RBFOX1: variants seen among roughly 807,000 people sequenced by gnomAD.
RBFOX1 encodes RNA binding fox-1 homolog 1, also known as RNA binding protein fox-1 homolog 1.
RBFOX1 carries 8 observed loss-of-function variants against 57.7 expected under a neutral mutation model. The ratio of observed to expected loss-of-function variants is 0.14; its 90% CI spans 0.08 to 0.25. RBFOX1 has a LOEUF of 0.25. RBFOX1 is among the 10% of genes least tolerant of loss of function. The pLI is 1.00. For synonymous variants in RBFOX1, 326 were observed against 222.4 expected, an observed-to-expected ratio of 1.47 and a Z score of -4.15; for missense variants, 611 against 548.5, an observed-to-expected ratio of 1.11 and a Z score of -1.14.
intron 2 of RBFOX1, among the ~76,000 whole-genome samples, chr16:6,487,684 AAAAAAAAAAAAAAAAAATAT>A (rs1567404177): frequency 1.6e-4 from 3 of 19,330 alleles, no homozygotes; most frequent in Non-Finnish European, 2.8e-4. Context: ...AAAAAAAAAA[AAAAAAAAAAAAAAAAAATAT>A]ATATATATAT....
At chr16:5,925,940 C>G (rs142759890) in intron 4 of RBFOX1, among the ~76,000 whole-genome samples, 243 of 152,282 alleles carry the variant, frequency 1.6e-3, no homozygotes, top group African/African-American at 5.5e-3. Context: ...GTAGACTAAA[C>G]ATGCAGTGGC....
intron 4 of RBFOX1, among the ~76,000 whole-genome samples, chr16:7,056,934 C>T (rs560886255): frequency 6.6e-6 from 1 of 151,792 alleles, no homozygotes; most frequent in African/African-American, 2.4e-5. Context: ...CTAAATGCTC[C>T]TTAGTGTCTC....
At chr16:6,868,288 C>T (rs562812326) in intron 3 of RBFOX1, among the ~76,000 whole-genome samples, 3 of 152,188 alleles carry the variant, frequency 2.0e-5, no homozygotes, top group African/African-American at 7.2e-5. Context: ...AAGATGGACA[C>T]AGAAAGTGGT....
intron 4 of RBFOX1, among the ~76,000 whole-genome samples, chr16:7,185,020 A>G (rs1460846999): frequency 1.3e-5 from 2 of 152,172 alleles, no homozygotes; most frequent in Non-Finnish European, 2.9e-5. Flanking sequence ...CCAATAAGGA[A>G]ATTGATCCTT....
chr16:7,003,446 G>A lies in RBFOX1; in HGVS notation c.-15-48611G>A, dbSNP rs541091639. On this transcript the variant is annotated intron_variant, in intron 3 of 15. Coordinates refer to ENST00000550418, the MANE Select transcript of RBFOX1 (RefSeq NM_018723.4). ...CTGTACTGCAGCCTGGTGACAGAGCGAGACTCCATCTTAAAAAAAAAAAAA... is the reference window on the plus strand; with the variant it reads ...CTGTACTGCAGCCTGGTGACAGAGCAAGACTCCATCTTAAAAAAAAAAAAA... Among the ~76,000 whole-genome samples the A allele has an allele frequency of 1.2e-4, 17 of 145,842 alleles. No individual in the cohort carries two copies. In the South Asian group the frequency reaches 3.5e-3, roughly 30 times the overall value.
chr16:5,845,528 C>T (rs1004980474), intron 3 of RBFOX1, among the ~76,000 whole-genome samples: 1 of 152,198 alleles, frequency 6.6e-6, no homozygotes, highest in Non-Finnish European at 1.5e-5. Flanking sequence ...TGTGAATCCC[C>T]ACTCTTACCT....
intron 4 of RBFOX1, among the ~76,000 whole-genome samples, chr16:5,894,581 A>T (rs966660609): frequency 3.3e-5 from 5 of 152,156 alleles, no homozygotes; most frequent in Non-Finnish European, 7.4e-5. Context: ...TGTTACTAAA[A>T]ACATTTTAAA....
At chr16:5,553,593 G>A (rs1443519451) in intron 2 of RBFOX1, among the ~76,000 whole-genome samples, 2 of 151,282 alleles carry the variant, frequency 1.3e-5, no homozygotes, top group Non-Finnish European at 2.9e-5. Context: ...GGGATTATGG[G>A]CGTGAGCCAC....
intron 2 of RBFOX1, among the ~76,000 whole-genome samples, chr16:6,464,217 CA>C (rs2153069141): frequency 6.6e-6 from 1 of 152,172 alleles, no homozygotes; most frequent in South Asian, 2.1e-4. Context: ...CAAAGATTAA[CA>C]AGTTGCTAAT....
intron 3 of RBFOX1, among the ~76,000 whole-genome samples, chr16:6,773,270 TGTGTGTAA>T (rs1465489174): frequency 3.4e-5 from 5 of 146,446 alleles, no homozygotes; most frequent in Admixed American, 6.8e-5. Context: ...TGCATTTGTG[TGTGTGTAA>T]GTGTATGTGT....
At chr16:7,525,595 C>T (rs1600870855) in intron 5 of RBFOX1, among the ~76,000 whole-genome samples, 1 of 152,164 alleles carries the variant, frequency 6.6e-6, no homozygotes, top group African/African-American at 2.4e-5. Context: ...CTAGCCAACT[C>T]TTGGCTCATG....
chr16:5,718,661 C>A (rs879705413), intron 3 of RBFOX1, among the ~76,000 whole-genome samples: 2 of 152,160 alleles, frequency 1.3e-5, no homozygotes, highest in Non-Finnish European at 2.9e-5. Context: ...AAGCCCAGAA[C>A]TTTGGGAGGC....
chr16:6,023,971 C>A (rs1297172908), intron 1 of RBFOX1, among the ~76,000 whole-genome samples: 7 of 152,176 alleles, frequency 4.6e-5, no homozygotes, highest in African/African-American at 1.7e-4. Flanking sequence ...CAGATGATGT[C>A]AACTGTGAAC....
chr16:7,537,882 G>A (rs942911411), intron 5 of RBFOX1, among the ~76,000 whole-genome samples: 2 of 152,190 alleles, frequency 1.3e-5, no homozygotes, highest in Non-Finnish European at 2.9e-5. Flanking sequence ...ATGCATGAGG[G>A]GAAATCCGTG....
chr16:6,673,520 G>A (rs1242008786), intron 3 of RBFOX1, among the ~76,000 whole-genome samples: 1 of 152,162 alleles, frequency 6.6e-6, no homozygotes, highest in Non-Finnish European at 1.5e-5. Context: ...CCCAGGAGGT[G>A]GAGGTTGCAG....
intron 2 of RBFOX1, among the ~76,000 whole-genome samples, chr16:6,654,304 G>A (rs1430289699): frequency 2.0e-5 from 3 of 152,180 alleles, no homozygotes. Flanking sequence ...ATGGAGGGCA[G>A]ATTATTTTAT....
chr16:6,853,033 C>A (rs755930400), intron 3 of RBFOX1, among the ~76,000 whole-genome samples: 1 of 152,162 alleles, frequency 6.6e-6, no homozygotes, highest in Admixed American at 6.5e-5. Context: ...CTGGTCCCAG[C>A]TGGCTTATTG....
intron 4 of RBFOX1, among the ~76,000 whole-genome samples, chr16:5,931,298 A>G (rs893648423): frequency 7.9e-5 from 12 of 152,160 alleles, no homozygotes; most frequent in Admixed American, 3.9e-4. Flanking sequence ...TCATTTAACT[A>G]TTCTCATACT....
At chr16:5,661,649 T>A (rs372938874) in intron 3 of RBFOX1, among the ~76,000 whole-genome samples, 5 of 152,370 alleles carry the variant, frequency 3.3e-5, no homozygotes, top group African/African-American at 1.2e-4. Flanking sequence ...AATTAACACG[T>A]TGGTCCTCAC....
Sources: gnomAD v4.1 joint callset for allele counts (sites outside exome capture counted in the v4.1 genomes callset) on GRCh38, gnomAD v4.1.1 for gene constraint, MANE v1.5 for transcripts, NCBI Gene and HGNC (gene_info 2026-07-23, HGNC 2026-07-21) for gene names.